The following CFAP92 variants were observed in gnomAD, a reference collection of about 807,000 sequenced individuals.
CFAP92 encodes cilia and flagella associated protein 92 (putative).
Under a neutral mutation model 106.3 loss-of-function variants are expected in CFAP92, and 86 were observed. The observed-to-expected ratio is 0.81, with a 90% CI of 0.68 to 0.97. The LOEUF is 0.97. Among genes scored for constraint, CFAP92 ranks in the 50% least tolerant of loss-of-function variants. The pLI is 0.00. For synonymous variants in CFAP92, 477 were observed against 506.4 expected, an observed-to-expected ratio of 0.94 and a Z score of 0.78; for missense variants, 1,204 against 1,283.8, an observed-to-expected ratio of 0.94 and a Z score of 0.95.
rs568119520 is a variant in CFAP92 at position 128,963,047 on chromosome 3, C to T, written c.1353+2464G>A. Among the ~76,000 whole-genome samples the T allele has an allele frequency of 2.9e-4, 44 of 152,334 alleles. No homozygotes were observed. The Middle Eastern group carries it at 0.014, about 47-fold the overall frequency. On this transcript the variant is annotated intron_variant, in intron 9 of 15. Transcript: ENST00000645291. Reference sequence around the variant, plus strand: ...GACACCCATTAGGCTCAGCAAATTACCTGGGCTGTACTGCCGCAAGGCTTC... The same window carrying T: ...GACACCCATTAGGCTCAGCAAATTATCTGGGCTGTACTGCCGCAAGGCTTC...
chr3:129,023,307 CTTCT>C, the CFAP92 span, among the ~76,000 whole-genome samples: 1 of 136,222 alleles, frequency 7.3e-6, no homozygotes, highest in Non-Finnish European at 1.6e-5. Flanking sequence ...TGGCCTCTTG[CTTCT>C]TTTTTTTTTT....
chr3:128,915,919 CA>C, intron 13 of CFAP92, 187 bp downstream of exon 13: 1 of 442,824 alleles, frequency 2.3e-6, no homozygotes, highest in Non-Finnish European at 3.9e-6. Context: ...GGCTTACCCT[CA>C]GGTGTGGAGG....
At chr3:128,971,508 C>G in intron 7 of CFAP92, 75 bp from the exon 8 acceptor site, 1 of 1,226,056 alleles carries the variant, frequency 8.2e-7, no homozygotes, top group Non-Finnish European at 1.1e-6. Context: ...CCTGAACATG[C>G]TACAGAGATT....
chr3:128,951,968 C>G (rs867574407), intron 9 of CFAP92, among the ~76,000 whole-genome samples: 3 of 152,222 alleles, frequency 2.0e-5, no homozygotes, highest in Middle Eastern at 6.8e-3. Flanking sequence ...ACAAGATATC[C>G]CTACCCACAG....
At chr3:128,916,974 G>T (rs1219779627) in intron 12 of CFAP92, among the ~76,000 whole-genome samples, 3 of 152,140 alleles carry the variant, frequency 2.0e-5, no homozygotes, top group Non-Finnish European at 2.9e-5. Context: ...GCACAAGATG[G>T]TGACCTTAGC....
chr3:128,980,691 A>G (rs1460721789), intron 4 of CFAP92, among the ~76,000 whole-genome samples: 1 of 152,230 alleles, frequency 6.6e-6, no homozygotes, highest in Admixed American at 6.5e-5. Flanking sequence ...CATTTCAACA[A>G]TGTTCACAGC....
the CFAP92 span, among the ~76,000 whole-genome samples, chr3:129,025,871 T>G: frequency 1.7e-3 from 260 of 152,336 alleles, 3 homozygotes; most frequent in African/African-American, 6.1e-3. Context: ...CTTCCCAGCT[T>G]CACTGCCTGT....
intron 10 of CFAP92, among the ~76,000 whole-genome samples, chr3:128,939,568 A>G (rs916243081): frequency 6.6e-6 from 1 of 152,006 alleles, no homozygotes; most frequent in African/African-American, 2.4e-5. Flanking sequence ...ACATCTCATC[A>G]CCTCAAAAAG....
rs1363211533 is a variant in CFAP92, at chr3:128,945,465, T to G, written c.1864A>C (p.Arg622=). 2 of 1,536,052 alleles carry G rather than the reference T, an allele frequency of 1.3e-6. No homozygotes were observed. The highest frequency in any genetic ancestry group is 1.7e-6 in the Non-Finnish European group (2 of 1,146,922). ...RDGHQHGPMP[R]GNYLEADSQL... is the part of the protein sequence containing the mutation. The stretch of plus-strand genomic sequence containing the variant: ...GAGTCAGCCTCTAGGTAGTTGCCCC[T>G]GGGCATTGGGCCGTGCTGGTGGCCA... The change falls in exon 10 of 16, where the codon AGG becomes CGG. Residue 622 remains arginine (R), a synonymous_variant. Transcript: ENST00000645291.
the CFAP92 span, among the ~76,000 whole-genome samples, chr3:129,020,267 A>G: frequency 6.6e-6 from 1 of 152,090 alleles, no homozygotes; most frequent in South Asian, 2.1e-4. Context: ...TTAAGTGCCT[A>G]CTCTGTGCCA....
At chr3:128,913,132 C>G in intron 15 of CFAP92, 1 of 437,692 alleles carries the variant, frequency 2.3e-6, no homozygotes, top group Non-Finnish European at 4.6e-6. Context: ...CTGTACTTGT[C>G]ACACTGTTCC....
the CFAP92 span, among the ~76,000 whole-genome samples, chr3:129,025,816 CAA>C: frequency 6.6e-6 from 1 of 152,206 alleles, no homozygotes; most frequent in South Asian, 2.1e-4. Context: ...TGGAAAATTC[CAA>C]AGAGTGTCCT....
At chr3:129,010,124 TG>T in the CFAP92 span, among the ~76,000 whole-genome samples, 1 of 152,248 alleles carries the variant, frequency 6.6e-6, no homozygotes, top group Non-Finnish European at 1.5e-5. The surrounding 1 kb of genome is among the most constrained non-coding windows in gnomAD (Gnocchi z 4.3). Context: ...GCGTAACGCC[TG>T]GGACTTCAGC....
chr3:128,975,959 TC>T (rs1576596741), intron 6 of CFAP92, 56 bp from the exon 7 acceptor site: 4 of 1,536,514 alleles, frequency 2.6e-6, no homozygotes, highest in Non-Finnish European at 3.5e-6. Flanking sequence ...AGGGGCCAGA[TC>T]TGAGAATCTA....
chr3:128,939,892 C>T (rs148688341), intron 10 of CFAP92, among the ~76,000 whole-genome samples: 1,811 of 152,284 alleles, frequency 0.012, 43 homozygotes, highest in Non-Finnish European at 0.012. Context: ...TGACAGGTGG[C>T]GAAGCTCAGG....
At chr3:128,938,157 G>C (rs1400067281) in intron 10 of CFAP92, among the ~76,000 whole-genome samples, 1 of 150,866 alleles carries the variant, frequency 6.6e-6, no homozygotes, top group Non-Finnish European at 1.5e-5. Flanking sequence ...GCTTGAGGTG[G>C]GGGGGTCAAG....
At chr3:128,929,472 C>A (rs1416997702) in intron 12 of CFAP92, among the ~76,000 whole-genome samples, 1 of 152,040 alleles carries the variant, frequency 6.6e-6, no homozygotes, top group Non-Finnish European at 1.5e-5. Context: ...GATTTGTATG[C>A]AAATGTTTAT....
chr3:128,912,070 A>G (rs1043431178), intron 15 of CFAP92, among the ~76,000 whole-genome samples: 3 of 152,154 alleles, frequency 2.0e-5, no homozygotes, highest in Non-Finnish European at 4.4e-5. Context: ...CGTGTTGCCA[A>G]GTGATGGGTG....
At chr3:128,911,929 GCT>G (rs1936372278) in intron 15 of CFAP92, among the ~76,000 whole-genome samples, 1 of 152,154 alleles carries the variant, frequency 6.6e-6, no homozygotes, top group South Asian at 2.1e-4. Context: ...CGTGCTCCCC[GCT>G]CTGTCTGCAG....
Sources: allele counts gnomAD v4.1 joint callset (sites outside exome capture counted in the v4.1 genomes callset), GRCh38; gene constraint gnomAD v4.1.1; non-coding constraint Gnocchi (gnomAD v3.1); transcripts MANE v1.5; gene names NCBI Gene and HGNC (gene_info 2026-07-23, HGNC 2026-07-21).